Variants in RFX7 observed in about 807,000 individuals in gnomAD.
The protein encoded by RFX7 is DNA-binding protein RFX7.
Under a neutral mutation model 111.8 loss-of-function variants are expected in RFX7, and 26 were observed. That is an observed-to-expected ratio of 0.23 (90% CI 0.17 to 0.32). RFX7 has a LOEUF of 0.32. RFX7 is among the 10% of genes least tolerant of loss of function. The pLI, the probability that RFX7 is intolerant of heterozygous loss-of-function variation, is 1.00. For missense variants in RFX7, 1,573 were observed against 1,772.9 expected (o/e 0.89, Z 2.02); for synonymous variants, 624 against 624.4 (o/e 1.00, Z 0.01).
chr15:56,144,624 AAAT>A, intron 3 of RFX7, 141 bp from the exon 4 acceptor site: 1 of 299,034 alleles, frequency 3.3e-6, no homozygotes, highest in East Asian at 7.5e-5. Flanking sequence ...CTCATCACTA[AAAT>A]AATACAATGA....
chr15:56,221,892 C>G (rs1367734385), intron 2 of RFX7, among the ~76,000 whole-genome samples: 1 of 152,148 alleles, frequency 6.6e-6, no homozygotes, highest in African/African-American at 2.4e-5. Flanking sequence ...AAACAAAAAA[C>G]TGTCTTTCAC....
Position 56,101,351 on chromosome 15 carries a change from T to C in RFX7, c.811+8A>G, listed in dbSNP as rs578106880. On this transcript the variant is annotated splice_region_variant and intron_variant, in intron 8 of 9. Coordinates refer to ENST00000559447, the MANE Select transcript of RFX7 (RefSeq NM_022841.7). Reference sequence around the variant, plus strand: ...TCAGTTTTTAGCTTGTTCACAGTAATGTTGTACCTGCTGGTGCTGCTGCCA... The same window carrying C: ...TCAGTTTTTAGCTTGTTCACAGTAACGTTGTACCTGCTGGTGCTGCTGCCA... 2 of 1,571,294 alleles carry C rather than the reference T, an allele frequency of 1.3e-6. No homozygotes were observed. Among genetic ancestry groups the C allele is most frequent in the African/African-American group, 1.3e-5 (1 of 74,112 alleles).
intron 2 of RFX7, among the ~76,000 whole-genome samples, chr15:56,240,858 T>C (rs1239978389): frequency 6.6e-6 from 1 of 152,174 alleles, no homozygotes; most frequent in Non-Finnish European, 1.5e-5. Context: ...TTAAAAATGA[T>C]TTAATACATA....
At chr15:56,102,798 A>G (rs765484607) in intron 6 of RFX7, among the ~76,000 whole-genome samples, 4 of 152,208 alleles carry the variant, frequency 2.6e-5, no homozygotes, top group Non-Finnish European at 4.4e-5. Flanking sequence ...AACACCTGGA[A>G]CCATTTTAGA....
intron 2 of RFX7, among the ~76,000 whole-genome samples, chr15:56,241,977 T>G (rs2043694706): frequency 6.6e-6 from 1 of 152,230 alleles, no homozygotes; most frequent in Non-Finnish European, 1.5e-5. Context: ...ATAACTAACC[T>G]AAATCTTGTA....
chr15:56,137,815 T>C (rs1199969470), intron 5 of RFX7, among the ~76,000 whole-genome samples: 2 of 152,134 alleles, frequency 1.3e-5, no homozygotes, highest in Non-Finnish European at 1.5e-5. Context: ...GTATGTTGTG[T>C]CTTTGTTCTC....
At chr15:56,198,785 T>TG (rs1401224903) in intron 2 of RFX7, among the ~76,000 whole-genome samples, 1 of 152,136 alleles carries the variant, frequency 6.6e-6, no homozygotes, top group East Asian at 1.9e-4. Context: ...TGAAACTAAT[T>TG]GTTAAAGTTG....
intron 5 of RFX7, among the ~76,000 whole-genome samples, chr15:56,136,763 T>C (rs1329749028): frequency 2.1e-5 from 3 of 141,508 alleles, no homozygotes; most frequent in Non-Finnish European, 4.6e-5. Context: ...TTGTCATAGA[T>C]AGCTCTTATT....
chr15:56,198,848 G>A (rs2043169030), intron 2 of RFX7, among the ~76,000 whole-genome samples: 1 of 151,944 alleles, frequency 6.6e-6, no homozygotes, highest in Non-Finnish European at 1.5e-5. Context: ...GTATACATTC[G>A]AAATTTTTTA....
chr15:56,101,309 A>G, intron 8 of RFX7, 50 bp downstream of exon 8: 1 of 1,439,880 alleles, frequency 6.9e-7, no homozygotes, highest in Non-Finnish European at 9.6e-7. Flanking sequence ...CCAATTCTAA[A>G]TACAATAATA....
chr15:56,153,495 A>T (rs1240201233), intron 3 of RFX7, among the ~76,000 whole-genome samples: 1 of 152,156 alleles, frequency 6.6e-6, no homozygotes, highest in Admixed American at 6.5e-5. Context: ...AATAAACATA[A>T]TCCCATCCAC....
chr15:56,179,913 C>A (rs1239321700), intron 2 of RFX7, among the ~76,000 whole-genome samples: 1 of 151,616 alleles, frequency 6.6e-6, no homozygotes, highest in Non-Finnish European at 1.5e-5. Flanking sequence ...ATAAATAATA[C>A]AATAAAGCCA....
At chr15:56,244,567 C>T (rs561253839), upstream of RFX7, among the ~76,000 whole-genome samples, 3 of 151,424 alleles carry the variant, frequency 2.0e-5, no homozygotes, top group East Asian at 4.0e-4. Flanking sequence ...ATGCTGTTCC[C>T]CTCCACCTCC....
At chr15:56,126,605 A>C (rs995399843) in intron 5 of RFX7, among the ~76,000 whole-genome samples, 4 of 152,244 alleles carry the variant, frequency 2.6e-5, no homozygotes, top group Non-Finnish European at 5.9e-5. Context: ...TCCAGTTAAA[A>C]GGCAGGGTGA....
At chr15:56,107,420 T>C (rs1315574798) in intron 5 of RFX7, among the ~76,000 whole-genome samples, 1 of 147,590 alleles carries the variant, frequency 6.8e-6, no homozygotes, top group African/African-American at 2.5e-5. Context: ...TATGAACACA[T>C]CACTCAAAAT....
chr15:56,137,179 C>T (rs1458832802), intron 5 of RFX7, among the ~76,000 whole-genome samples: 5 of 151,988 alleles, frequency 3.3e-5, no homozygotes, highest in East Asian at 1.9e-4. Context: ...GGAATAGTTT[C>T]AGAAGGAATG....
chr15:56,215,502 A>G (rs2141204375), intron 2 of RFX7, among the ~76,000 whole-genome samples: 1 of 152,314 alleles, frequency 6.6e-6, no homozygotes. Context: ...ATATGAACAG[A>G]TTTTCTAATG....
At chr15:56,183,597 A>G (rs933418587) in intron 2 of RFX7, among the ~76,000 whole-genome samples, 1 of 152,134 alleles carries the variant, frequency 6.6e-6, no homozygotes, top group African/African-American at 2.4e-5. Flanking sequence ...AGTTAACACC[A>G]CACTTCAAAT....
At chr15:56,229,743 G>A (rs954815343) in intron 2 of RFX7, among the ~76,000 whole-genome samples, 1 of 152,124 alleles carries the variant, frequency 6.6e-6, no homozygotes. Context: ...GTCATAATTT[G>A]AGAACCACTG....
Sources: allele counts gnomAD v4.1 joint callset (sites outside exome capture counted in the v4.1 genomes callset), GRCh38; gene constraint gnomAD v4.1.1; transcripts MANE v1.5; gene names NCBI Gene and HGNC (gene_info 2026-07-23, HGNC 2026-07-21).